Variants in IGSF11 observed in about 807,000 individuals in gnomAD.
IGSF11 encodes immunoglobulin superfamily member 11.
IGSF11 carries 22 observed loss-of-function variants against 41.0 expected under a neutral mutation model. The ratio of observed to expected loss-of-function variants is 0.54; its 90% confidence interval spans 0.38 to 0.77. The LOEUF is 0.77. IGSF11 is among the 30% of genes least tolerant of loss of function. The pLI, the probability that IGSF11 is intolerant of heterozygous loss-of-function variation, is 0.00. For missense variants in IGSF11, 444 were observed against 530.8 expected (o/e 0.84, Z 1.61); for synonymous variants, 219 against 201.3 (o/e 1.09, Z -0.74).
intron 1 of IGSF11, among the ~76,000 whole-genome samples, chr3:119,019,376 A>C (rs1430685981): frequency 6.7e-6 from 1 of 148,264 alleles, no homozygotes; most frequent in Non-Finnish European, 1.5e-5. Flanking sequence ...ACACACCCCC[A>C]ACTCACTCCC....
At chr3:118,921,175 T>A (rs1382968694) in intron 4 of IGSF11, among the ~76,000 whole-genome samples, 1 of 152,230 alleles carries the variant, frequency 6.6e-6, no homozygotes, top group Non-Finnish European at 1.5e-5. Flanking sequence ...TTTCACCTTG[T>A]AACAAATTCT....
chr3:119,086,066 G>C (rs1696551902), intron 1 of IGSF11, among the ~76,000 whole-genome samples: 1 of 152,198 alleles, frequency 6.6e-6, no homozygotes, highest in African/African-American at 2.4e-5. Flanking sequence ...AGTCATTTAT[G>C]GCATATGCAC....
chr3:118,935,645 C>T (rs1290133119), intron 1 of IGSF11, among the ~76,000 whole-genome samples: 2 of 151,880 alleles, frequency 1.3e-5, no homozygotes, highest in Non-Finnish European at 2.9e-5. Context: ...CACTAAAAGA[C>T]TCACTCGCTC....
intron 4 of IGSF11, among the ~76,000 whole-genome samples, chr3:118,920,692 AG>A (rs1941687914): frequency 6.6e-6 from 1 of 152,208 alleles, no homozygotes; most frequent in Admixed American, 6.6e-5. Flanking sequence ...AAATGGGTAA[AG>A]AAAATTGGCA....
intron 1 of IGSF11, among the ~76,000 whole-genome samples, chr3:118,968,680 T>G (rs1933000145): frequency 6.6e-6 from 1 of 152,266 alleles, no homozygotes. Flanking sequence ...AAGTGTTAAC[T>G]AAAGATGTTC....
rs939059128 is a variant in IGSF11 at position 118,914,306 on chromosome 3, G to A, written c.581-8588C>T. On this transcript the variant is annotated intron_variant, in intron 4 of 6. Transcript: ENST00000393775. Reference sequence around the variant, plus strand: ...GTCTACAGCTCCCAGCGTGAGCGACGCAGAAGACGGGTGATTTCTGCATTT... The same window carrying A: ...GTCTACAGCTCCCAGCGTGAGCGACACAGAAGACGGGTGATTTCTGCATTT... Among the ~76,000 whole-genome samples the A allele has an allele frequency of 1.4e-4, 22 of 152,076 alleles. No individual in the cohort carries two copies. The South Asian group carries it at 2.1e-3, about 14-fold the overall frequency.
At chr3:118,917,366 C>T (rs1941249805) in intron 4 of IGSF11, among the ~76,000 whole-genome samples, 1 of 149,222 alleles carries the variant, frequency 6.7e-6, no homozygotes, top group Non-Finnish European at 1.5e-5. Flanking sequence ...ACTAGCAAGA[C>T]TAATAAAGAA....
Position 119,034,829 on chromosome 3 carries a change from C to CAGCCCTGCCCCAGGACT in IGSF11, c.-264_-248dup. On this transcript the variant is annotated 5_prime_UTR_variant, in exon 1 of 7. Transcript: ENST00000393775. ...TTCCGGGCTCGCCAGCCGTGCCACC[C>CAGCCCTGCCCCAGGACT]AGCCCTGCCCCAGGACTAGCCGACC... 8.0e-7 allele frequency: 1 copy of CAGCCCTGCCCCAGGACT among 1,247,804 alleles called. No individual in the cohort carries two copies. Among genetic ancestry groups the CAGCCCTGCCCCAGGACT allele is most frequent in the Admixed American group, 4.2e-5 (1 of 23,832 alleles). The allele number at this position is 1,247,804 out of a possible 1,614,324, so 77.3% of individuals were successfully genotyped here.
At chr3:119,022,938 T>A (rs1939435151) in intron 1 of IGSF11, among the ~76,000 whole-genome samples, 1 of 151,998 alleles carries the variant, frequency 6.6e-6, no homozygotes, top group Non-Finnish European at 1.5e-5. Context: ...TGCAGCAGCA[T>A]TATTCATTGT....
intron 1 of IGSF11, among the ~76,000 whole-genome samples, chr3:118,964,557 A>C (rs1362443559): frequency 1.3e-5 from 2 of 152,300 alleles, no homozygotes; most frequent in African/African-American, 4.8e-5. Context: ...ACAGATAGGA[A>C]GAAGGGAAGA....
intron 1 of IGSF11, among the ~76,000 whole-genome samples, chr3:119,073,325 A>T (rs1278795430): frequency 1.3e-5 from 2 of 152,230 alleles, no homozygotes; most frequent in African/African-American, 4.8e-5. Context: ...TCAGGAGCCC[A>T]GCCGGCTTTG....
At chr3:119,144,644 G>T (rs1444606225) in intron 1 of IGSF11, among the ~76,000 whole-genome samples, 1 of 152,040 alleles carries the variant, frequency 6.6e-6, no homozygotes, top group Non-Finnish European at 1.5e-5. Flanking sequence ...TGCAGCAAAA[G>T]CATCAGCTCA....
At chr3:119,012,705 T>C (rs1212557085) in intron 1 of IGSF11, 2 of 152,188 alleles carry the variant, frequency 1.3e-5, no homozygotes, top group Non-Finnish European at 2.9e-5. Context: ...ATAACAAGTG[T>C]TTTAAAGATC....
chr3:119,122,130 A>T (rs572596334), intron 1 of IGSF11, among the ~76,000 whole-genome samples: 20 of 152,334 alleles, frequency 1.3e-4, no homozygotes, highest in African/African-American at 4.6e-4. Context: ...TTTTAATTTC[A>T]TATTTCTGAA....
upstream of IGSF11, chr3:119,034,927 G>T (rs1576706909): frequency 1.2e-6 from 1 of 858,590 alleles, no homozygotes; most frequent in Admixed American, 5.3e-5. Flanking sequence ...GCTCCTCGCC[G>T]CGCCGCCCAC....
chr3:119,066,297 C>T (rs560283156), intron 1 of IGSF11, among the ~76,000 whole-genome samples: 1 of 152,156 alleles, frequency 6.6e-6, no homozygotes, highest in Non-Finnish European at 1.5e-5. Context: ...TGTCACCATC[C>T]AGCCCATTAT....
intron 1 of IGSF11, among the ~76,000 whole-genome samples, chr3:119,128,413 A>G (rs1001895932): frequency 6.6e-6 from 1 of 152,112 alleles, no homozygotes; most frequent in East Asian, 1.9e-4. Flanking sequence ...AGGAAGGAAA[A>G]GAAAATGTAA....
At chr3:118,946,713 T>G (rs1944171384) in intron 1 of IGSF11, among the ~76,000 whole-genome samples, 1 of 152,236 alleles carries the variant, frequency 6.6e-6, no homozygotes, top group African/African-American at 2.4e-5. Flanking sequence ...ACAAGCATTT[T>G]TATGACAAGG....
chr3:118,996,145 C>T (rs1370818217), intron 1 of IGSF11, among the ~76,000 whole-genome samples: 1 of 152,220 alleles, frequency 6.6e-6, no homozygotes, highest in East Asian at 1.9e-4. Context: ...GACAGGGATA[C>T]TTGGCTTATC....
Sources: gnomAD v4.1 joint callset for allele counts (sites outside exome capture counted in the v4.1 genomes callset) on GRCh38, gnomAD v4.1.1 for gene constraint, MANE v1.5 for transcripts, NCBI Gene and HGNC (gene_info 2026-07-23, HGNC 2026-07-21) for gene names.